Variants in TMEM132C observed in about 807,000 individuals in gnomAD.
TMEM132C encodes the protein protein phosphatase 1, regulatory subunit 152.
In TMEM132C, 29 loss-of-function variants were observed where a neutral mutation model predicts 61.4. The ratio of observed to expected loss-of-function variants is 0.47; its 90% CI spans 0.35 to 0.64. TMEM132C has a LOEUF of 0.64. TMEM132C is among the 30% of genes least tolerant of loss of function. The pLI is 0.00. For synonymous variants in TMEM132C, 656 were observed against 633.1 expected, an observed-to-expected ratio of 1.04 and a Z score of -0.54; for missense variants, 1,408 against 1,476.9, an observed-to-expected ratio of 0.95 and a Z score of 0.76.
chr12:128,287,098 G>A (rs1419294257), intron 1 of TMEM132C, among the ~76,000 whole-genome samples: 1 of 152,168 alleles, frequency 6.6e-6, no homozygotes, highest in Non-Finnish European at 1.5e-5. Flanking sequence ...CCTCAGCACT[G>A]TTGACATGTT....
chr12:128,477,857 T>C (rs1871200441), intron 2 of TMEM132C, among the ~76,000 whole-genome samples: 1 of 152,194 alleles, frequency 6.6e-6, no homozygotes, highest in Non-Finnish European at 1.5e-5. Flanking sequence ...GCTGGGGTTA[T>C]AGGCGTGAGC....
intron 2 of TMEM132C, among the ~76,000 whole-genome samples, chr12:128,495,217 C>A (rs7306678): frequency 0.34 from 51,716 of 150,942 alleles, 9,291 homozygotes; most frequent in East Asian, 0.57. Flanking sequence ...GTTATAATTT[C>A]TGTTCTTTTA....
rs1267207620 is a variant in TMEM132C at position 128,705,203 on chromosome 12, G to A, written c.2235G>A (p.Val745=). The A allele has an allele frequency of 6.4e-7, 1 of 1,551,712 alleles. No homozygotes were observed. The highest frequency in any genetic ancestry group is 8.7e-7 in the Non-Finnish European group (1 of 1,147,002). Reference sequence around the variant, plus strand: ...CCACCTCCCAGGACGAGGCTGTCGTGTCAGTCCCCCAGCCCCGCTCTCCCA... The same window carrying A: ...CCACCTCCCAGGACGAGGCTGTCGTATCAGTCCCCCAGCCCCGCTCTCCCA... ...LAATSQDEAV[V]SVPQPRSPRW... Residue 745 remains valine (V), a synonymous_variant, in exon 9 of 9, where the codon GTG becomes GTA. Transcript: ENST00000435159.
chr12:128,335,886 A>C (rs1002879159), intron 1 of TMEM132C, among the ~76,000 whole-genome samples: 1 of 152,210 alleles, frequency 6.6e-6, no homozygotes, highest in Non-Finnish European at 1.5e-5. Flanking sequence ...CCGTTACTCT[A>C]ATCTCTTTCT....
At chr12:128,521,319 A>ATATGTG (rs1052490746) in intron 2 of TMEM132C, among the ~76,000 whole-genome samples, 546 of 21,636 alleles carry the variant, frequency 0.025, 1 homozygote, top group African/African-American at 0.038. Flanking sequence ...ATATATATAT[A>ATATGTG]TGTGTGTGTG....
chr12:128,417,393 T>A (rs1466372807), intron 2 of TMEM132C, among the ~76,000 whole-genome samples: 6 of 152,084 alleles, frequency 3.9e-5, no homozygotes, highest in African/African-American at 7.2e-5. Context: ...AGGTCTAAGG[T>A]CCACAACCTT....
intron 3 of TMEM132C, among the ~76,000 whole-genome samples, chr12:128,583,428 AG>A (rs1875422318): frequency 6.6e-6 from 1 of 151,298 alleles, no homozygotes; most frequent in Non-Finnish European, 1.5e-5. Context: ...AAGAATTTTG[AG>A]CTAAGTACTG....
intron 4 of TMEM132C, among the ~76,000 whole-genome samples, chr12:128,651,946 A>G (rs1954274977): frequency 6.6e-6 from 1 of 152,254 alleles, no homozygotes; most frequent in Admixed American, 6.5e-5. Context: ...ACGTTTGAGC[A>G]GAGCAGCAGC....
chr12:128,384,376 C>G (rs73436634), intron 1 of TMEM132C, among the ~76,000 whole-genome samples: 8,425 of 152,162 alleles, frequency 0.055, 448 homozygotes, highest in African/African-American at 0.15. Context: ...TTGTGCCATC[C>G]CCAGCCTCGA....
chr12:128,466,397 G>T (rs551127306), intron 2 of TMEM132C, among the ~76,000 whole-genome samples: 8 of 152,352 alleles, frequency 5.3e-5, no homozygotes, highest in African/African-American at 1.9e-4. Context: ...TAATGGCCAA[G>T]ATTTAAACTT....
intron 4 of TMEM132C, among the ~76,000 whole-genome samples, chr12:128,664,083 A>G (rs552535304): frequency 8.5e-6 from 1 of 117,448 alleles, no homozygotes; most frequent in East Asian, 2.6e-4. Context: ...TACAGGCACA[A>G]GCACCCACAC....
chr12:128,579,190 T>C (rs1875239102), intron 3 of TMEM132C, among the ~76,000 whole-genome samples: 1 of 152,170 alleles, frequency 6.6e-6, no homozygotes, highest in Non-Finnish European at 1.5e-5. Flanking sequence ...TGCACGGGCC[T>C]CAGTGCCACA....
intron 1 of TMEM132C, among the ~76,000 whole-genome samples, chr12:128,293,346 A>G (rs1871307006): frequency 6.6e-6 from 1 of 152,206 alleles, no homozygotes; most frequent in Non-Finnish European, 1.5e-5. Flanking sequence ...GTCACAGGGT[A>G]AATTGGTCTT....
At chr12:128,520,999 T>C (rs1019917477) in intron 2 of TMEM132C, among the ~76,000 whole-genome samples, 1 of 152,088 alleles carries the variant, frequency 6.6e-6, no homozygotes, top group African/African-American at 2.4e-5. Flanking sequence ...AGGAAAGGAA[T>C]GTGCTTATTA....
At chr12:128,353,377 G>T (rs2135964542) in intron 1 of TMEM132C, among the ~76,000 whole-genome samples, 1 of 152,296 alleles carries the variant, frequency 6.6e-6, no homozygotes, top group South Asian at 2.1e-4. Context: ...CTTTCACAGA[G>T]AACAGAGGTG....
At chr12:128,494,905 C>T (rs1871887454) in intron 2 of TMEM132C, among the ~76,000 whole-genome samples, 1 of 151,570 alleles carries the variant, frequency 6.6e-6, no homozygotes, top group African/African-American at 2.4e-5. Context: ...TGTGTTTGCT[C>T]TTGCTTCTCT....
intron 3 of TMEM132C, among the ~76,000 whole-genome samples, chr12:128,593,794 G>A (rs1875846787): frequency 6.6e-6 from 1 of 151,920 alleles, no homozygotes; most frequent in African/African-American, 2.4e-5. Context: ...ATAGTACAGG[G>A]GCCAATGCAG....
At chr12:128,282,742 C>T (rs1026769695) in intron 1 of TMEM132C, among the ~76,000 whole-genome samples, 1 of 152,034 alleles carries the variant, frequency 6.6e-6, no homozygotes, top group Non-Finnish European at 1.5e-5. Context: ...TTCAGTCTTC[C>T]CTTGAATTTC....
At chr12:128,396,133 G>C (rs1472357837) in intron 1 of TMEM132C, among the ~76,000 whole-genome samples, 2 of 152,056 alleles carry the variant, frequency 1.3e-5, no homozygotes, top group Non-Finnish European at 2.9e-5. Context: ...TTCTGTGGGG[G>C]AAAAAACTAC....
Sources: gnomAD v4.1 joint callset for allele counts (sites outside exome capture counted in the v4.1 genomes callset) on GRCh38, gnomAD v4.1.1 for gene constraint, MANE v1.5 for transcripts, NCBI Gene and HGNC (gene_info 2026-07-23, HGNC 2026-07-21) for gene names.